Variants in SYNPR observed in about 807,000 individuals in gnomAD.
SYNPR encodes synaptoporin.
A neutral mutation model predicts 32.9 loss-of-function variants in SYNPR; 23 were observed. That is an observed-to-expected ratio of 0.70 (90% CI 0.50 to 0.99). SYNPR has a LOEUF of 0.99. Ranked by LOEUF, SYNPR falls within the 50% of genes least tolerant of loss-of-function variation. SYNPR has a pLI of 0.00. For synonymous variants in SYNPR, 146 were observed against 135.9 expected (o/e 1.07, Z -0.52); for missense variants, 318 against 349.3 (o/e 0.91, Z 0.71).
chr3:63,200,679 A>ACTGGTGTT, the SYNPR span, among the ~76,000 whole-genome samples: 1 of 151,948 alleles, frequency 6.6e-6, no homozygotes, highest in Non-Finnish European at 1.5e-5. Context: ...CATGATATAG[A>ACTGGTGTT]CTGGTGTTTC....
intron 2 of SYNPR, among the ~76,000 whole-genome samples, chr3:63,282,369 T>C (rs1006357297): frequency 6.6e-6 from 1 of 152,150 alleles, no homozygotes; most frequent in Non-Finnish European, 1.5e-5. Flanking sequence ...TCTAAATGAA[T>C]ATGAAGTTCC....
At position 63,494,504 on chromosome 3, in the gene SYNPR, T is replaced by TAC. The variant is rs1340179492; in HGVS notation, c.209+13550_209+13551dup. Among the ~76,000 whole-genome samples, 98 of 71,846 alleles carry TAC rather than the reference T, an allele frequency of 1.4e-3. 2 individuals are homozygous for TAC. The highest frequency in any genetic ancestry group is 5.8e-3 in the East Asian group (13 of 2,230). 47.1% of individuals were successfully genotyped at this position (71,846 alleles called of 152,430 possible). A position where few individuals can be genotyped will look rare whatever the true frequency, so the allele number is the denominator to read the frequency against. On this transcript the variant is annotated intron_variant, in intron 3 of 5. Coordinates refer to ENST00000478300, the MANE Select transcript of SYNPR (RefSeq NM_001130003.2). ...ATATATATACATATATATACATATA[T>TAC]ACATATATACATATATACATATATA...
intron 2 of SYNPR, among the ~76,000 whole-genome samples, chr3:63,470,728 T>G (rs946329691): frequency 1.3e-5 from 2 of 152,070 alleles, no homozygotes; most frequent in African/African-American, 2.4e-5. Context: ...CCTATAAGAC[T>G]CAGGAAAGCT....
intron 1 of SYNPR, among the ~76,000 whole-genome samples, chr3:63,239,723 C>A (rs1575573044): frequency 6.6e-6 from 1 of 151,750 alleles, no homozygotes; most frequent in Non-Finnish European, 1.5e-5. Context: ...CCCAACCTAC[C>A]ATTGTCACCC....
intron 1 of SYNPR, among the ~76,000 whole-genome samples, chr3:63,245,490 T>G (rs1466474379): frequency 1.3e-5 from 2 of 152,016 alleles, no homozygotes; most frequent in African/African-American, 4.8e-5. Flanking sequence ...TTATTTTCAG[T>G]GGTGATACAG....
intron 2 of SYNPR, among the ~76,000 whole-genome samples, chr3:63,355,276 C>CA (rs34592172): frequency 0.1 from 9,393 of 93,622 alleles, 735 homozygotes; most frequent in African/African-American, 0.23. Context: ...GAGACCCTGT[C>CA]AAAAAAAAAA....
At chr3:63,335,829 T>G (rs1229188027) in intron 2 of SYNPR, among the ~76,000 whole-genome samples, 7 of 143,412 alleles carry the variant, frequency 4.9e-5, no homozygotes, top group African/African-American at 8.0e-5. Context: ...GCTGGAGTGG[T>G]GCAATGGTGC....
chr3:63,616,595 C>T lies in SYNPR; in HGVS notation c.*1114C>T. On this transcript the variant is annotated 3_prime_UTR_variant, in exon 6 of 6. Coordinates refer to ENST00000478300, the MANE Select transcript of SYNPR (RefSeq NM_001130003.2). Reference sequence around the variant, plus strand: ...AGTGTAGCCCCTAAATTAAAAATGGCTTCCATATGCCACTCTGTACCCCAA... The same window carrying T: ...AGTGTAGCCCCTAAATTAAAAATGGTTTCCATATGCCACTCTGTACCCCAA... 1 of 152,572 alleles carries T rather than the reference C, an allele frequency of 6.6e-6. No individual in the cohort carries two copies. The highest frequency in any genetic ancestry group is 1.9e-4 in the East Asian group (1 of 5,208). 9.5% of individuals were successfully genotyped at this position (152,572 alleles called of 1,614,324 possible).
At chr3:63,449,378 C>A (rs1700338689) in intron 2 of SYNPR, among the ~76,000 whole-genome samples, 1 of 152,008 alleles carries the variant, frequency 6.6e-6, no homozygotes, top group Non-Finnish European at 1.5e-5. Context: ...TTCTAATAGA[C>A]CAGGATTTCT....
intron 2 of SYNPR, among the ~76,000 whole-genome samples, chr3:63,306,225 C>T (rs1404959706): frequency 2.0e-5 from 3 of 151,934 alleles, no homozygotes; most frequent in African/African-American, 2.4e-5. Flanking sequence ...CTCCTTGATT[C>T]GAGGTGTCAC....
intron 4 of SYNPR, among the ~76,000 whole-genome samples, chr3:63,575,014 C>T (rs1257064591): frequency 6.6e-6 from 1 of 152,004 alleles, no homozygotes; most frequent in Non-Finnish European, 1.5e-5. Flanking sequence ...CCCACATACA[C>T]ATGACTGTGT....
chr3:63,255,175 G>A (rs1187404317), intron 2 of SYNPR, among the ~76,000 whole-genome samples: 1 of 152,062 alleles, frequency 6.6e-6, no homozygotes, highest in Non-Finnish European at 1.5e-5. Flanking sequence ...CTCCTGGGGA[G>A]GCGGTCAAAT....
intron 4 of SYNPR, among the ~76,000 whole-genome samples, chr3:63,586,654 A>ATGTGTGTGTGTGTG (rs10530383): frequency 5.5e-4 from 79 of 143,660 alleles, no homozygotes; most frequent in East Asian, 3.1e-3. Flanking sequence ...TGCAGATTCA[A>ATGTGTGTGTGTGTG]TGTGTGTGTG....
In SYNPR at chr3:63,394,211, T is replaced by C. The variant is rs1575622364; in HGVS notation, c.85-86621T>C. 3.9e-5 allele frequency among the ~76,000 whole-genome samples: 6 copies of C among 152,330 alleles called. 1 individual carries two copies. The highest frequency in any genetic ancestry group is 1.9e-4 in the East Asian group (1 of 5,182). On this transcript the variant is annotated intron_variant, in intron 2 of 5. Transcript: ENST00000478300. ...ATCTTAGCTCTTATCCTTTCTTACC[T>C]ATGTGACCTTGAACAAGTCTCTTAA...
At chr3:63,294,681 T>C (rs1242618303) in intron 2 of SYNPR, among the ~76,000 whole-genome samples, 1 of 152,140 alleles carries the variant, frequency 6.6e-6, no homozygotes, top group Non-Finnish European at 1.5e-5. Context: ...ATAGATGTAA[T>C]TTTTAGAATG....
intron 2 of SYNPR, among the ~76,000 whole-genome samples, chr3:63,416,552 A>T: frequency 7.5e-6 from 1 of 133,830 alleles, no homozygotes; most frequent in Non-Finnish European, 1.6e-5. Flanking sequence ...AAAAAAAAAA[A>T]CCAAAAAAAA....
chr3:63,482,804 A>G (rs868120701), intron 3 of SYNPR, among the ~76,000 whole-genome samples: 2 of 152,316 alleles, frequency 1.3e-5, no homozygotes, highest in African/African-American at 4.8e-5. Context: ...TTTAACATGT[A>G]CCATTATCCA....
chr3:63,385,992 T>G (rs1359553832), intron 2 of SYNPR, among the ~76,000 whole-genome samples: 1 of 152,244 alleles, frequency 6.6e-6, no homozygotes, highest in African/African-American at 2.4e-5. Flanking sequence ...GAATTACATT[T>G]GGGTAATTCT....
intron 4 of SYNPR, among the ~76,000 whole-genome samples, chr3:63,581,708 T>C (rs968444248): frequency 6.6e-6 from 1 of 151,982 alleles, no homozygotes; most frequent in African/African-American, 2.4e-5. Context: ...CCTTTATGCA[T>C]GCACAAAAGC....
Sources: gnomAD v4.1 joint callset for allele counts (sites outside exome capture counted in the v4.1 genomes callset) on GRCh38, gnomAD v4.1.1 for gene constraint, MANE v1.5 for transcripts, NCBI Gene and HGNC (gene_info 2026-07-23, HGNC 2026-07-21) for gene names.